Variants in HGD observed in about 807,000 individuals in gnomAD.
The protein encoded by HGD is homogentisate 1,2-dioxygenase, also known as homogentisate oxidase.
HGD carries 61 observed loss-of-function variants against 60.8 expected under a neutral mutation model. The observed-to-expected ratio is 1.00, with a 90% CI of 0.82 to 1.24. The LOEUF is 1.24. Among genes scored for constraint, HGD ranks in the 50% most tolerant of loss-of-function variants. The pLI is 0.00. For synonymous variants in HGD, 212 were observed against 187.7 expected (o/e 1.13, Z -1.06); for missense variants, 542 against 547.1 (o/e 0.99, Z 0.09).
intron 13 of HGD, among the ~76,000 whole-genome samples, chr3:120,629,718 A>C (rs1264519829): frequency 3.3e-5 from 5 of 152,234 alleles, no homozygotes; most frequent in Non-Finnish European, 7.3e-5. Context: ...AAACCAGCAT[A>C]AGACAAGGAT....
chr3:120,644,500 C>T (rs1333562419), intron 9 of HGD, 57 bp from the exon 10 acceptor site: 2 of 1,612,052 alleles, frequency 1.2e-6, no homozygotes, highest in African/African-American at 2.7e-5. Context: ...GGAAAGATGC[C>T]CATGGTTGCA....
chr3:120,635,249 G>A (rs371748915), intron 12 of HGD, among the ~76,000 whole-genome samples: 7 of 151,852 alleles, frequency 4.6e-5, no homozygotes, highest in African/African-American at 1.7e-4. Flanking sequence ...AGGCCGAGGC[G>A]GGTGGATCAC....
intron 11 of HGD, among the ~76,000 whole-genome samples, chr3:120,639,206 C>T (rs1940890212): frequency 6.6e-6 from 1 of 152,020 alleles, no homozygotes. Context: ...GTTTTTTCAC[C>T]CTCCCCCTTC....
intron 4 of HGD, among the ~76,000 whole-genome samples, chr3:120,668,308 A>G (rs1300070847): frequency 1.3e-5 from 2 of 152,164 alleles, no homozygotes; most frequent in Non-Finnish European, 1.5e-5. Context: ...GGGTGGTAAC[A>G]TTCAAGCAGA....
At position 120,674,982 on chromosome 3, in the gene HGD, G is replaced by T; in HGVS notation, c.95C>A (p.Pro32His). Residue 32 changes from proline (P) to histidine (H), a missense_variant, in exon 3 of 14, where the codon CCT becomes CAT. By Grantham distance (77) the Pro-to-His change is moderately conservative. Coordinates refer to ENST00000283871, the MANE Select transcript of HGD (RefSeq NM_000187.4). The part of the protein sequence containing the change: ...PGSLPEGQNN[P>H]QVCPYNLYAE... ...ATAGAGATTGTAGGGGCAGACCTGA[G>T]GATTATTCTGAAACAAAGGATGCAA... The T allele has an allele frequency of 1.2e-6, 2 of 1,608,740 alleles. No individual in the cohort carries two copies. Among genetic ancestry groups the T allele is most frequent in the Non-Finnish European group, 1.7e-6 (2 of 1,175,582 alleles).
chr3:120,642,200 T>C (rs774973355), intron 10 of HGD, among the ~76,000 whole-genome samples: 3 of 152,170 alleles, frequency 2.0e-5, no homozygotes, highest in Non-Finnish European at 4.4e-5. Flanking sequence ...TTCAGAGCAA[T>C]CCTAACATAA....
At position 120,638,515 on chromosome 3, in the gene HGD, C is replaced by A. The variant is rs199927284; in HGVS notation, c.946G>T (p.Val316Phe). 16 of 1,613,894 alleles carry A rather than the reference C, an allele frequency of 9.9e-6. No individual in the cohort carries two copies. In the African/African-American group the frequency reaches 1.9e-4, roughly 19 times the overall value. The part of the protein sequence containing the change: ...VRPGVAIADF[V>F]IFPPRWGVAD... Reference sequence around the variant, plus strand: ...ACCCCCCATCGAGGTGGGAAGATGACAAAATCAGCAATGGCCACTCCAGGG... The same window carrying A: ...ACCCCCCATCGAGGTGGGAAGATGAAAAAATCAGCAATGGCCACTCCAGGG... The change falls in exon 12 of 14, where the codon GTC becomes TTC. Residue 316 changes from valine (V) to phenylalanine (F), a missense_variant. Physicochemically the swap from Val to Phe is conservative, Grantham distance 50 (BLOSUM62 -1). Around this residue, in one of 2 missense-constraint regions of HGD, gnomAD observed 537 missense variants for 529.1 expected, o/e 1.01. Transcript: ENST00000283871.
chr3:120,640,390 G>T (rs1265630212), intron 11 of HGD, among the ~76,000 whole-genome samples: 1 of 152,078 alleles, frequency 6.6e-6, no homozygotes, highest in Non-Finnish European at 1.5e-5. Context: ...AGGGAGAGGG[G>T]CAAGAGGTGA....
chr3:120,665,454 A>G lies in HGD; in HGVS notation c.282+4973T>C, dbSNP rs555157608. On this transcript the variant is annotated intron_variant, in intron 4 of 13. Coordinates refer to ENST00000283871, the MANE Select transcript of HGD (RefSeq NM_000187.4). ...AATTCTAGCTGAAATCTGTAAAATCATGGTTAAATTGGATGTAGATTAGTT... is the reference window on the plus strand; with the variant it reads ...AATTCTAGCTGAAATCTGTAAAATCGTGGTTAAATTGGATGTAGATTAGTT... 5.3e-5 allele frequency among the ~76,000 whole-genome samples: 8 copies of G among 152,356 alleles called. No homozygotes were observed. The South Asian group carries it at 1.7e-3, about 32-fold the overall frequency.
intron 4 of HGD, among the ~76,000 whole-genome samples, chr3:120,654,787 G>C (rs967220319): frequency 6.6e-6 from 1 of 152,058 alleles, no homozygotes; most frequent in Non-Finnish European, 1.5e-5. Context: ...AATACCTGTG[G>C]TAAGGCCAGG....
intron 12 of HGD, among the ~76,000 whole-genome samples, chr3:120,635,505 A>G (rs1940741301): frequency 6.7e-6 from 1 of 150,068 alleles, no homozygotes; most frequent in African/African-American, 2.5e-5. Flanking sequence ...AAAAAGCTGA[A>G]TCTAGTTGAC....
intron 12 of HGD, 135 bp from the exon 13 acceptor site, chr3:120,633,463 T>C (rs895999620): frequency 3.9e-6 from 6 of 1,558,270 alleles, no homozygotes; most frequent in African/African-American, 2.7e-5. Context: ...TAATAAAGAA[T>C]ATGGATTGAC....
At chr3:120,678,375 G>T (rs746108958) in intron 1 of HGD, among the ~76,000 whole-genome samples, 2 of 152,156 alleles carry the variant, frequency 1.3e-5, no homozygotes, top group African/African-American at 2.4e-5. Flanking sequence ...CAGTGCCTTC[G>T]CTTTGTTCAA....
intron 12 of HGD, among the ~76,000 whole-genome samples, chr3:120,636,116 C>CA (rs34434001): frequency 0.16 from 18,626 of 112,966 alleles, 1,543 homozygotes; most frequent in Non-Finnish European, 0.21. Context: ...ACTAACAATA[C>CA]AAAAAAAAAA....
At chr3:120,644,220 G>A (rs780965720) in intron 10 of HGD, 99 bp downstream of exon 10, 25 of 1,401,084 alleles carry the variant, frequency 1.8e-5, no homozygotes, top group Non-Finnish European at 2.3e-5. Flanking sequence ...TGATAACAAC[G>A]AAAGGATATA....
At chr3:120,630,825 T>TATATACACAC (rs1491569082) in intron 13 of HGD, among the ~76,000 whole-genome samples, 3 of 104,120 alleles carry the variant, frequency 2.9e-5, no homozygotes, top group Admixed American at 9.9e-5. Context: ...TATATATATA[T>TATATACACAC]ACACATACAC....
At chr3:120,679,639 C>A (rs1390644932) in intron 1 of HGD, among the ~76,000 whole-genome samples, 4 of 151,870 alleles carry the variant, frequency 2.6e-5, no homozygotes, top group South Asian at 4.1e-4. Context: ...AAGAGGGAGG[C>A]AAAGGGAGAT....
intron 13 of HGD, among the ~76,000 whole-genome samples, chr3:120,631,828 T>C (rs537126801): frequency 6.6e-6 from 1 of 152,306 alleles, no homozygotes; most frequent in Admixed American, 6.5e-5. Flanking sequence ...GGGTCTCCCA[T>C]CCTAATAGGA....
chr3:120,633,384 C>T, intron 12 of HGD, 56 bp from the exon 13 acceptor site: 1 of 1,613,522 alleles, frequency 6.2e-7, no homozygotes, highest in Non-Finnish European at 8.5e-7. Flanking sequence ...CAGTAAAACA[C>T]AAAGCCCCTT....
Sources: allele counts gnomAD v4.1 joint callset (sites outside exome capture counted in the v4.1 genomes callset), GRCh38; gene constraint gnomAD v4.1.1; regional missense constraint gnomAD v4.1.1; transcripts MANE v1.5; gene names NCBI Gene and HGNC (gene_info 2026-07-23, HGNC 2026-07-21).